Variants in BAALC observed in about 807,000 individuals in gnomAD.
BAALC encodes the protein brain and acute leukemia cytoplasmic protein.
Under a neutral mutation model 15.5 loss-of-function variants are expected in BAALC, and 9 were observed. That is an observed-to-expected ratio of 0.58 (90% confidence interval 0.35 to 1.02). BAALC has a LOEUF of 1.02. Ranked by LOEUF, BAALC falls within the 50% of genes least tolerant of loss-of-function variation. The pLI, the probability that BAALC is intolerant of heterozygous loss-of-function variation, is 0.02. For missense variants in BAALC, 201 were observed against 192.4 expected, an observed-to-expected ratio of 1.04 and a Z score of -0.27; for synonymous variants, 80 against 74.6, an observed-to-expected ratio of 1.07 and a Z score of -0.37.
chr8:103,168,564 G>A (rs1811404592), intron 1 of BAALC, among the ~76,000 whole-genome samples: 1 of 151,088 alleles, frequency 6.6e-6, no homozygotes, highest in African/African-American at 2.4e-5. Context: ...ACCCTCCTCT[G>A]GTTGTGTAAA....
At chr8:103,184,098 G>A (rs1389636765) in intron 1 of BAALC, among the ~76,000 whole-genome samples, 1 of 152,114 alleles carries the variant, frequency 6.6e-6, no homozygotes. Flanking sequence ...TTCAAAACTA[G>A]CAACATTGCA....
intron 1 of BAALC, among the ~76,000 whole-genome samples, chr8:103,163,672 T>C (rs1463386150): frequency 6.6e-6 from 1 of 152,152 alleles, no homozygotes; most frequent in African/African-American, 2.4e-5. Flanking sequence ...CTGCCCTAGT[T>C]CAGGCCCTCA....
chr8:103,193,915 A>C (rs998541695), intron 1 of BAALC, among the ~76,000 whole-genome samples: 6 of 152,332 alleles, frequency 3.9e-5, no homozygotes, highest in African/African-American at 1.4e-4. Context: ...ACATGAATTT[A>C]AGTCATCAAT....
At chr8:103,145,001 C>T (rs2129852280) in intron 1 of BAALC, among the ~76,000 whole-genome samples, 1 of 152,300 alleles carries the variant, frequency 6.6e-6, no homozygotes, top group Non-Finnish European at 1.5e-5. Flanking sequence ...AGTAACTTTT[C>T]CCAGTTCCAG....
chr8:103,142,724 T>C (rs1030961612), intron 1 of BAALC, among the ~76,000 whole-genome samples: 5 of 152,186 alleles, frequency 3.3e-5, no homozygotes. Flanking sequence ...TATGTATGGG[T>C]ATGAAAGAGT....
rs557212398 is a variant in BAALC at position 103,212,716 on chromosome 8, A to T, written c.161-203A>T. ...GTCATCAAGGTATCATTAAGTAAAA[A>T]TTTCAGGTTACAGAATTGTTTTAAA... On this transcript the variant is annotated intron_variant, in intron 1 of 2. Coordinates refer to ENST00000309982, the MANE Select transcript of BAALC (RefSeq NM_024812.3). 2.2e-3 allele frequency among the ~76,000 whole-genome samples: 338 copies of T among 152,362 alleles called. No homozygotes were observed. The highest frequency in any genetic ancestry group is 4.2e-3 in the Non-Finnish European group (283 of 68,026).
intron 1 of BAALC, among the ~76,000 whole-genome samples, chr8:103,192,208 C>T (rs1008754255): frequency 1.1e-4 from 17 of 152,228 alleles, no homozygotes; most frequent in Non-Finnish European, 2.2e-4. Flanking sequence ...TGTGCCACCA[C>T]CCCTGGCTAA....
rs967522429 is a variant in BAALC, at chr8:103,190,723, T to C, written c.161-22196T>C. On this transcript the variant is annotated intron_variant, in intron 1 of 2. Transcript: ENST00000309982. ...GATGACATGATTTATAAGGACTTCATTGATTTCCATTTTCAACTCCTGCCC... is the reference window on the plus strand; with the variant it reads ...GATGACATGATTTATAAGGACTTCACTGATTTCCATTTTCAACTCCTGCCC... 5.9e-5 allele frequency among the ~76,000 whole-genome samples: 9 copies of C among 152,310 alleles called. No individual in the cohort carries two copies. In the South Asian group the frequency reaches 6.2e-4, roughly 11 times the overall value.
intron 1 of BAALC, among the ~76,000 whole-genome samples, chr8:103,184,027 C>G (rs1222389462): frequency 6.6e-6 from 1 of 152,210 alleles, no homozygotes; most frequent in African/African-American, 2.4e-5. Context: ...AATCCATTTC[C>G]TTTCCTTTTC....
intron 1 of BAALC, among the ~76,000 whole-genome samples, chr8:103,150,453 C>A (rs1225162902): frequency 6.6e-6 from 1 of 152,002 alleles, no homozygotes; most frequent in Non-Finnish European, 1.5e-5. Context: ...AGGTTGGCTG[C>A]CCAGAGCTAT....
chr8:103,201,583 C>T lies in BAALC; in HGVS notation c.161-11336C>T, dbSNP rs141051515. Among the ~76,000 whole-genome samples the T allele has an allele frequency of 9.5e-4, 145 of 152,368 alleles. No individual in the cohort carries two copies. In the East Asian group the frequency reaches 0.01, roughly 11 times the overall value. The stretch of plus-strand genomic sequence containing the variant: ...AAGGAGAATTAGGTTAATGCCCATT[C>T]AAATTCTTCTCTTTCTTCTCCCTCC... On this transcript the variant is annotated intron_variant, in intron 1 of 2. Transcript: ENST00000309982.
intron 1 of BAALC, among the ~76,000 whole-genome samples, chr8:103,205,405 C>G (rs1256056854): frequency 6.6e-6 from 1 of 152,138 alleles, no homozygotes; most frequent in Non-Finnish European, 1.5e-5. Context: ...GGGTGTCAAA[C>G]AAGAAATACT....
At chr8:103,186,079 C>T (rs1181218199) in intron 1 of BAALC, among the ~76,000 whole-genome samples, 1 of 152,136 alleles carries the variant, frequency 6.6e-6, no homozygotes, top group African/African-American at 2.4e-5. Context: ...GAATGGGATG[C>T]CCAGCCTCTT....
At chr8:103,164,249 G>A (rs1811293142) in intron 1 of BAALC, among the ~76,000 whole-genome samples, 1 of 152,284 alleles carries the variant, frequency 6.6e-6, no homozygotes, top group South Asian at 2.1e-4. Flanking sequence ...ACAGAGTGAG[G>A]TGAAAGTAAC....
At chr8:103,171,321 G>C (rs1261444849) in intron 1 of BAALC, among the ~76,000 whole-genome samples, 1 of 145,570 alleles carries the variant, frequency 6.9e-6, no homozygotes, top group Non-Finnish European at 1.5e-5. Flanking sequence ...GAAACAGTGA[G>C]AGAAAGAGAG....
chr8:103,151,761 A>G (rs564542319), intron 1 of BAALC, among the ~76,000 whole-genome samples: 1 of 151,440 alleles, frequency 6.6e-6, no homozygotes, highest in South Asian at 2.1e-4. Flanking sequence ...CTGAATATAA[A>G]AAAAAAAATC....
chr8:103,193,377 C>T (rs1028221231), intron 1 of BAALC, among the ~76,000 whole-genome samples: 6 of 152,206 alleles, frequency 3.9e-5, no homozygotes, highest in Admixed American at 2.6e-4. Flanking sequence ...GCCAACTTGG[C>T]AGAGTTGATC....
At chr8:103,152,765 G>A (rs938458354) in intron 1 of BAALC, among the ~76,000 whole-genome samples, 1 of 152,188 alleles carries the variant, frequency 6.6e-6, no homozygotes, top group African/African-American at 2.4e-5. Context: ...TCTGGAGGTC[G>A]GCGGCCACAC....
At chr8:103,174,082 G>C (rs776872355) in intron 1 of BAALC, among the ~76,000 whole-genome samples, 1 of 152,078 alleles carries the variant, frequency 6.6e-6, no homozygotes, top group Non-Finnish European at 1.5e-5. Flanking sequence ...AAAATTACAG[G>C]GCCAGGACAC....
Sources: allele counts gnomAD v4.1 joint callset (sites outside exome capture counted in the v4.1 genomes callset), GRCh38; gene constraint gnomAD v4.1.1; transcripts MANE v1.5; gene names NCBI Gene and HGNC (gene_info 2026-07-23, HGNC 2026-07-21).